Variants in TNKS observed in about 807,000 individuals in gnomAD.
TNKS encodes the protein tankyrase.
TNKS carries 72 observed loss-of-function variants against 135.8 expected under a neutral mutation model. The observed-to-expected ratio is 0.53, with a 90% confidence interval of 0.44 to 0.64. The LOEUF is 0.64. Among genes scored for constraint, TNKS ranks in the 30% least tolerant of loss-of-function variants. The probability of loss-of-function intolerance (pLI) is 0.00; values close to 1 mark genes in which losing one functional copy is unlikely to be tolerated. For missense variants in TNKS, 1,769 were observed against 1,674.0 expected (o/e 1.06, Z -0.99); for synonymous variants, 849 against 649.3 (o/e 1.31, Z -4.68).
intron 3 of TNKS, among the ~76,000 whole-genome samples, chr8:9,644,039 G>C (rs1800819332): frequency 6.6e-6 from 1 of 152,158 alleles, no homozygotes; most frequent in Non-Finnish European, 1.5e-5. Flanking sequence ...AGATAATGTG[G>C]ATTCCACTTA....
At chr8:9,588,421 C>T (rs1262934485) in intron 2 of TNKS, among the ~76,000 whole-genome samples, 1 of 152,014 alleles carries the variant, frequency 6.6e-6, no homozygotes, top group African/African-American at 2.4e-5. Context: ...ACTACAGGCA[C>T]CCGCCACCAC....
At chr8:9,635,162 TC>T (rs1295587124) in intron 3 of TNKS, among the ~76,000 whole-genome samples, 1 of 143,684 alleles carries the variant, frequency 7.0e-6, no homozygotes, top group Non-Finnish European at 1.5e-5. Context: ...AGAGCGAGAC[TC>T]CGTCTCGGGG....
intron 5 of TNKS, among the ~76,000 whole-genome samples, chr8:9,684,400 T>C (rs1802902878): frequency 6.6e-6 from 1 of 152,070 alleles, no homozygotes; most frequent in South Asian, 2.1e-4. Flanking sequence ...AAAATAAATA[T>C]TTGAATAAAA....
chr8:9,710,718 A>G (rs533071944), intron 11 of TNKS, among the ~76,000 whole-genome samples: 6 of 152,264 alleles, frequency 3.9e-5, no homozygotes, highest in Admixed American at 3.3e-4. Context: ...AAGACGGTGA[A>G]ACCCCGTCTC....
At chr8:9,688,343 T>A (rs1803105274) in intron 5 of TNKS, among the ~76,000 whole-genome samples, 1 of 152,190 alleles carries the variant, frequency 6.6e-6, no homozygotes, top group Non-Finnish European at 1.5e-5. Context: ...TGATGAGAAA[T>A]GGCAAAAAGA....
intron 2 of TNKS, among the ~76,000 whole-genome samples, chr8:9,582,391 A>C (rs1798199370): frequency 6.6e-6 from 1 of 152,158 alleles, no homozygotes; most frequent in African/African-American, 2.4e-5. Flanking sequence ...TTGATTTTTA[A>C]AAGGTTTTTG....
intron 1 of TNKS, chr8:9,556,822 T>G (rs1401262795): frequency 1.7e-6 from 1 of 595,434 alleles, no homozygotes; most frequent in Admixed American, 3.0e-5. Flanking sequence ...AAGGAATTCT[T>G]CAGTGGTTGC....
intron 26 of TNKS, among the ~76,000 whole-genome samples, chr8:9,774,336 A>G (rs1255029403): frequency 6.6e-6 from 1 of 152,250 alleles, no homozygotes; most frequent in African/African-American, 2.4e-5. Flanking sequence ...ATACAGAATC[A>G]TTCAAGAGAG....
intron 3 of TNKS, among the ~76,000 whole-genome samples, chr8:9,622,358 A>G (rs907560543): frequency 6.6e-6 from 1 of 152,334 alleles, no homozygotes; most frequent in East Asian, 1.9e-4. Context: ...TACAGTGACA[A>G]TAATAATAGC....
In TNKS at chr8:9,752,606, G is replaced by T; in HGVS notation, c.3133G>T (p.Asp1045Tyr). ...LKSLGLEHLR[D>Y]IFETEQITLD... is the part of the protein sequence containing the mutation. ...AAGCCTTGGCCTTGAACACCTTCGGGATATCTTTGAAACAGAACAGGTAAA... is the reference window on the plus strand; with the variant it reads ...AAGCCTTGGCCTTGAACACCTTCGGTATATCTTTGAAACAGAACAGGTAAA... The change falls in exon 20 of 27, where the codon GAT becomes TAT. Residue 1045 changes from aspartate (D) to tyrosine (Y), a missense_variant. Asp to Tyr is a radical substitution (Grantham distance 160). Coordinates refer to ENST00000310430, the MANE Select transcript of TNKS (RefSeq NM_003747.3). The T allele has an allele frequency of 1.2e-6, 2 of 1,611,940 alleles. No individual in the cohort carries two copies. Among genetic ancestry groups the T allele is most frequent in the Non-Finnish European group, 8.5e-7 (1 of 1,178,638 alleles).
intron 3 of TNKS, among the ~76,000 whole-genome samples, chr8:9,676,963 G>A (rs1450316940): frequency 3.3e-5 from 5 of 152,048 alleles, no homozygotes; most frequent in Non-Finnish European, 7.4e-5. Context: ...GAATATAAAT[G>A]CTCCATAGAG....
chr8:9,634,856 G>A (rs577839562), intron 3 of TNKS, among the ~76,000 whole-genome samples: 1 of 152,270 alleles, frequency 6.6e-6, no homozygotes, highest in East Asian at 1.9e-4. Flanking sequence ...TGTAAAAGGA[G>A]CCTGGAACAT....
chr8:9,704,415 T>C (rs1803954947), intron 5 of TNKS, among the ~76,000 whole-genome samples: 1 of 151,998 alleles, frequency 6.6e-6, no homozygotes, highest in Admixed American at 6.6e-5. Context: ...GTAGAATAGG[T>C]AGGGTAAGGT....
intron 1 of TNKS, among the ~76,000 whole-genome samples, chr8:9,570,059 A>C (rs972333513): frequency 6.6e-6 from 1 of 152,008 alleles, no homozygotes; most frequent in African/African-American, 2.4e-5. Context: ...ATCTATTTTA[A>C]ATTTATTTTG....
chr8:9,747,505 G>A (rs945367663), intron 17 of TNKS, among the ~76,000 whole-genome samples: 2 of 152,170 alleles, frequency 1.3e-5, no homozygotes, highest in Non-Finnish European at 2.9e-5. Context: ...TTCATAAAAT[G>A]TTATGTTGCT....
intron 20 of TNKS, among the ~76,000 whole-genome samples, chr8:9,760,807 CA>C (rs1476247720): frequency 1.3e-5 from 2 of 151,926 alleles, no homozygotes; most frequent in Admixed American, 1.3e-4. Context: ...AAAAACTAAC[CA>C]AAAATTAAAA....
At chr8:9,723,229 G>C (rs1193033197) in intron 12 of TNKS, among the ~76,000 whole-genome samples, 1 of 150,900 alleles carries the variant, frequency 6.6e-6, no homozygotes, top group Non-Finnish European at 1.5e-5. Context: ...TTTTTACCAG[G>C]AATTTGTATG....
At chr8:9,760,241 G>C (rs930464910) in intron 20 of TNKS, among the ~76,000 whole-genome samples, 2 of 152,102 alleles carry the variant, frequency 1.3e-5, no homozygotes, top group African/African-American at 4.8e-5. Flanking sequence ...GTTTTGTTTT[G>C]TTTTTAAAGC....
intron 26 of TNKS, among the ~76,000 whole-genome samples, chr8:9,772,819 G>T (rs925494986): frequency 5.0e-5 from 4 of 79,682 alleles, no homozygotes; most frequent in Non-Finnish European, 9.6e-5. Context: ...TTGTGTGTGT[G>T]TGTGTGTGTG....
Sources: allele counts gnomAD v4.1 joint callset (sites outside exome capture counted in the v4.1 genomes callset), GRCh38; gene constraint gnomAD v4.1.1; transcripts MANE v1.5; gene names NCBI Gene and HGNC (gene_info 2026-07-23, HGNC 2026-07-21).